The following ALMS1 variants were observed in gnomAD, a reference collection of about 807,000 sequenced individuals.
The protein encoded by ALMS1 is ALMS1 centrosome and basal body associated protein.
A neutral mutation model predicts 352.2 loss-of-function variants in ALMS1; 271 were observed. That is an observed-to-expected ratio of 0.77 (90% CI 0.70 to 0.85). The LOEUF is 0.85. Among genes scored for constraint, ALMS1 ranks in the 40% least tolerant of loss-of-function variants. The pLI is 0.00. For synonymous variants in ALMS1, 1,865 were observed against 1,761.2 expected (o/e 1.06, Z -1.48); for missense variants, 5,445 against 4,870.7 (o/e 1.12, Z -3.51).
At chr2:73,581,374 T>C (rs1675174277) in intron 16 of ALMS1, among the ~76,000 whole-genome samples, 1 of 152,188 alleles carries the variant, frequency 6.6e-6, no homozygotes, top group Admixed American at 6.5e-5. Flanking sequence ...CAAACACAAT[T>C]CCTTGGGAAC....
At chr2:73,542,557 A>G in intron 12 of ALMS1, among the ~76,000 whole-genome samples, 1 of 152,186 alleles carries the variant, frequency 6.6e-6, no homozygotes, top group Non-Finnish European at 1.5e-5. Context: ...TCAATTAGGA[A>G]AAGAGGAACT....
intron 6 of ALMS1, among the ~76,000 whole-genome samples, chr2:73,430,939 A>C (rs1297461292): frequency 6.6e-6 from 1 of 152,118 alleles, no homozygotes; most frequent in African/African-American, 2.4e-5. Context: ...GTGTATATAT[A>C]TAGCCTGTAC....
chr2:73,546,993 C>T (rs558505643), intron 12 of ALMS1, among the ~76,000 whole-genome samples: 8 of 152,192 alleles, frequency 5.3e-5, no homozygotes, highest in African/African-American at 1.7e-4. Flanking sequence ...ACAGTGGTTC[C>T]GTTGAACTAT....
Position 73,452,458 on chromosome 2 carries a change from G to T in ALMS1, c.5931G>T (p.Lys1977Asn), listed in dbSNP as rs886056305. The stretch of plus-strand genomic sequence containing the variant: ...CTGTTTCTATACCAGCAGAGCAGAA[G>T]ACTGGGATACCAATAGGACTGTCTA... The part of the protein sequence containing the change: ...VSPVSIPAEQ[K>N]TGIPIGLSSS... Residue 1977 changes from lysine (K) to asparagine (N), a missense_variant, in exon 8 of 23, where the codon AAG (lysine) becomes AAT (asparagine). Coordinates refer to ENST00000613296, the MANE Select transcript of ALMS1 (RefSeq NM_001378454.1). 1.5e-5 allele frequency: 24 copies of T among 1,613,924 alleles called. No individual in the cohort carries two copies. Among genetic ancestry groups the T allele is most frequent in the Non-Finnish European group, 2.0e-5 (24 of 1,179,990 alleles).
At chr2:73,407,836 G>A (rs142790307) in intron 1 of ALMS1, among the ~76,000 whole-genome samples, 102 of 152,306 alleles carry the variant, frequency 6.7e-4, no homozygotes, top group Admixed American at 1.7e-3. Flanking sequence ...GGGATTACAG[G>A]TGTGAGCCAC....
rs764596843 is a variant in ALMS1 at position 73,489,866 on chromosome 2, A to G, written c.7907A>G (p.Asn2636Ser). 1 of 1,614,196 alleles carries G rather than the reference A, an allele frequency of 6.2e-7. No individual in the cohort carries two copies. The highest frequency in any genetic ancestry group is 8.5e-7 in the Non-Finnish European group (1 of 1,180,014). ...AACCTTTCTGCATCCTTAGACCAGA[A>G]CAACTCCCATTTCAAAGTTTGGAAT... The part of the protein sequence containing the change: ...HVNLSASLDQ[N>S]NSHFKVWNSL... Residue 2636 changes from asparagine (N) to serine (S), a missense_variant, in exon 10 of 23, where the codon AAC (asparagine) becomes AGC (serine). Transcript: ENST00000613296.
rs1423162992 is a variant in ALMS1 at position 73,450,157 on chromosome 2, C to T, written c.3630C>T (p.His1210=). The change falls in exon 8 of 23, where the codon CAC becomes CAT. Residue 1210 remains histidine (H), a synonymous_variant. Coordinates refer to ENST00000613296, the MANE Select transcript of ALMS1 (RefSeq NM_001378454.1). ...IFYQQTLPGS[H]IPEEAQKVSP... ...ATCAACAGACCTTGCCAGGTAGTCA[C>T]ATACCTGAAGAGGCACAGAAAGTTT... 1 of 1,613,740 alleles carries T rather than the reference C, an allele frequency of 6.2e-7. No homozygotes were observed. The highest frequency in any genetic ancestry group is 1.3e-5 in the African/African-American group (1 of 74,834).
intron 12 of ALMS1, among the ~76,000 whole-genome samples, chr2:73,542,295 A>G (rs1174977814): frequency 6.6e-6 from 1 of 152,226 alleles, no homozygotes; most frequent in East Asian, 1.9e-4. Flanking sequence ...AGATGCAGAA[A>G]AGGCCTTTGA....
intron 11 of ALMS1, among the ~76,000 whole-genome samples, chr2:73,531,239 G>A (rs1027131535): frequency 6.6e-6 from 1 of 152,202 alleles, no homozygotes; most frequent in Non-Finnish European, 1.5e-5. Context: ...CTTTGTGAAT[G>A]TACATAACTG....
chr2:73,390,169 A>G (rs1056934127), intron 1 of ALMS1, among the ~76,000 whole-genome samples: 6 of 152,214 alleles, frequency 3.9e-5, no homozygotes, highest in African/African-American at 7.2e-5. Flanking sequence ...TAGATTTACA[A>G]TGATACAAGG....
intron 12 of ALMS1, among the ~76,000 whole-genome samples, chr2:73,544,260 G>A (rs1030197242): frequency 1.3e-5 from 2 of 152,012 alleles, no homozygotes; most frequent in African/African-American, 4.8e-5. Flanking sequence ...GCAAACTATT[G>A]CAAAGACAAA....
chr2:73,582,862 C>T (rs1020353947), intron 16 of ALMS1, among the ~76,000 whole-genome samples: 1 of 152,038 alleles, frequency 6.6e-6, no homozygotes, highest in African/African-American at 2.4e-5. Context: ...TTTTTGAGAC[C>T]TTGCTTTCAA....
intron 7 of ALMS1, among the ~76,000 whole-genome samples, chr2:73,443,324 C>T (rs1016107396): frequency 2.0e-5 from 3 of 152,050 alleles, no homozygotes; most frequent in African/African-American, 7.2e-5. Context: ...GATGCTAGAC[C>T]CTCTTGTCTC....
chr2:73,385,823 T>TCCC (rs764473588), upstream of ALMS1: 4 of 658,298 alleles, frequency 6.1e-6, no homozygotes, highest in Admixed American at 9.0e-5. Context: ...TTCCCCTCCC[T>TCCC]CCCCCCCTCC....
At chr2:73,463,172 C>T (rs1672245915) in intron 9 of ALMS1, among the ~76,000 whole-genome samples, 1 of 152,184 alleles carries the variant, frequency 6.6e-6, no homozygotes. Context: ...CAGCACCACA[C>T]CGCACCTATT....
Position 73,451,227 on chromosome 2 carries a change from C to T in ALMS1, c.4700C>T (p.Thr1567Ile). Reference protein sequence around the residue: ...ADQTTGIPTITSTSYSFGEKP... With the variant: ...ADQTTGIPTIISTSYSFGEKP... Reference sequence around the variant, plus strand: ...CAGACAACTGGCATACCAACCATAACCTCTACTTCCTACTCATTTGGAGAG... The same window carrying T: ...CAGACAACTGGCATACCAACCATAATCTCTACTTCCTACTCATTTGGAGAG... Residue 1567 changes from threonine (T) to isoleucine (I), a missense_variant, in exon 8 of 23, where the codon ACC becomes ATC. By Grantham distance (89) the Thr-to-Ile change is moderately conservative. Transcript: ENST00000613296. 1 of 1,612,888 alleles carries T rather than the reference C, an allele frequency of 6.2e-7. No homozygotes were observed. Among genetic ancestry groups the T allele is most frequent in the Non-Finnish European group, 8.5e-7 (1 of 1,179,690 alleles).
intron 16 of ALMS1, among the ~76,000 whole-genome samples, chr2:73,577,844 G>GA: frequency 6.6e-6 from 1 of 152,210 alleles, no homozygotes; most frequent in African/African-American, 2.4e-5. Context: ...CATTTAAGAC[G>GA]AATGTGTATT....
At chr2:73,504,621 G>A (rs756576585) in intron 10 of ALMS1, among the ~76,000 whole-genome samples, 4 of 152,016 alleles carry the variant, frequency 2.6e-5, no homozygotes, top group Non-Finnish European at 4.4e-5. Context: ...TAATTTCTTT[G>A]TATTGGTCAG....
intron 9 of ALMS1, among the ~76,000 whole-genome samples, chr2:73,456,423 G>T (rs1212098480): frequency 6.6e-6 from 1 of 152,162 alleles, no homozygotes; most frequent in Non-Finnish European, 1.5e-5. Context: ...ATTTTGCATA[G>T]TAATAGGGTA....
Sources: allele counts gnomAD v4.1 joint callset (sites outside exome capture counted in the v4.1 genomes callset), GRCh38; gene constraint gnomAD v4.1.1; transcripts MANE v1.5; gene names NCBI Gene and HGNC (gene_info 2026-07-23, HGNC 2026-07-21).